Variants in MYH9 observed in about 807,000 individuals in gnomAD.
MYH9 encodes the protein myosin-9.
In MYH9, 29 loss-of-function variants were observed where a neutral mutation model predicts 241.9. That is an observed-to-expected ratio of 0.12 (90% CI 0.09 to 0.16). The LOEUF (loss-of-function observed/expected upper bound fraction) is 0.16, where lower values mean the gene tolerates loss of function less well. Ranked by LOEUF, MYH9 falls within the 10% of genes least tolerant of loss-of-function variation. The pLI is 1.00. For synonymous variants in MYH9, 1,047 were observed against 1,062.6 expected (o/e 0.99, Z 0.29); for missense variants, 1,803 against 2,595.5 (o/e 0.69, Z 6.63).
At chr22:36,363,661 A>G (rs2017968560) in intron 1 of MYH9, among the ~76,000 whole-genome samples, 1 of 152,188 alleles carries the variant, frequency 6.6e-6, no homozygotes, top group Non-Finnish European at 1.5e-5. Flanking sequence ...CTCAATAACA[A>G]GCTTTCTCTC....
rs2016953390 is a variant in MYH9, at chr22:36,305,454, T to C, written c.2160-352A>G. On this transcript the variant is annotated intron_variant, in intron 17 of 40. Transcript: ENST00000216181. This position sits in a 1 kb window ranked among gnomAD's most constrained non-coding sequence, Gnocchi z 4.7. ...GCTTCCCTGGGACGCTGCAGGGAGC[T>C]GCTAATAAACAGAGATGGCCCAAGA... Among the ~76,000 whole-genome samples, 1 of 152,164 alleles carries C rather than the reference T, an allele frequency of 6.6e-6. No individual in the cohort carries two copies. Among genetic ancestry groups the C allele is most frequent in the Non-Finnish European group, 1.5e-5 (1 of 68,026 alleles).
chr22:36,319,061 C>T (rs1569535899), intron 10 of MYH9, among the ~76,000 whole-genome samples: 1 of 152,210 alleles, frequency 6.6e-6, no homozygotes, highest in Non-Finnish European at 1.5e-5. Flanking sequence ...CACGCCCGGT[C>T]AGGAGTGTCT....
chr22:36,350,063 T>C (rs1249874850), intron 1 of MYH9, among the ~76,000 whole-genome samples: 1 of 152,188 alleles, frequency 6.6e-6, no homozygotes, highest in East Asian at 1.9e-4. Flanking sequence ...TTTAATTCCA[T>C]CTTGATAATA....
At chr22:36,284,336 C>G in intron 39 of MYH9, 67 bp downstream of exon 39, 1 of 1,604,976 alleles carries the variant, frequency 6.2e-7, no homozygotes, top group Non-Finnish European at 8.5e-7. Context: ...AGCCCCACTG[C>G]CCTGCCTGTC....
chr22:36,316,805 A>T, intron 11 of MYH9, 136 bp from the exon 12 acceptor site: 2 of 903,424 alleles, frequency 2.2e-6, no homozygotes, highest in Non-Finnish European at 3.4e-6. Flanking sequence ...AAAAAAAAAA[A>T]TCTTCGTACA....
In MYH9 at chr22:36,316,596, T is replaced by C. The variant is rs749647444; in HGVS notation, c.1301A>G (p.Asn434Ser). ...RMFRWLVLRI[N>S]KALDKTKRQG... ...CCTCTTGGTCTTGTCCAGAGCCTTG[T>C]TGATGCGCAGCACCAGCCAGCGGAA... The change falls in exon 12 of 41, where the codon AAC becomes AGC. Residue 434 changes from asparagine to serine, a missense_variant. Physicochemically the swap from Asn to Ser is conservative, Grantham distance 46. Around this residue, in one of 11 missense-constraint regions of MYH9, gnomAD observed 222 missense variants for 359.9 expected, o/e 0.62. Transcript: ENST00000216181. The C allele has an allele frequency of 4.3e-6, 7 of 1,614,008 alleles. No homozygotes were observed. Among genetic ancestry groups the C allele is most frequent in the African/African-American group, 2.7e-5 (2 of 74,924 alleles).
In MYH9 at chr22:36,300,191, G is replaced by A. The variant is rs199654108; in HGVS notation, c.2912C>T (p.Ala971Val). 8.1e-6 allele frequency: 13 copies of A among 1,613,300 alleles called. No individual in the cohort carries two copies. Among genetic ancestry groups the A allele is most frequent in the African/African-American group, 4.0e-5 (3 of 74,932 alleles). ...CTCCTCCTCCAGCTTTTTCAGCTTCGCCTCGGTGGTCACCTTCTCCAGCTG... is the reference window on the plus strand; with the variant it reads ...CTCCTCCTCCAGCTTTTTCAGCTTCACCTCGGTGGTCACCTTCTCCAGCTG... Reference protein sequence around the residue: ...KLQLEKVTTEAKLKKLEEEQI... With the variant: ...KLQLEKVTTEVKLKKLEEEQI... The change falls in exon 23 of 41, where the codon GCG (alanine) becomes GTG (valine). Residue 971 changes from alanine to valine, a missense_variant. By Grantham distance (64) the Ala-to-Val change is moderately conservative. Around this residue, in one of 11 missense-constraint regions of MYH9, gnomAD observed 290 missense variants for 360.5 expected, o/e 0.80. Coordinates refer to ENST00000216181, the MANE Select transcript of MYH9 (RefSeq NM_002473.6). The surrounding 1 kb of genome is among the most constrained non-coding windows in gnomAD (Gnocchi z 5.0).
At chr22:36,332,718 T>TATGTCAG (rs2017443977) in intron 3 of MYH9, among the ~76,000 whole-genome samples, 1 of 142,644 alleles carries the variant, frequency 7.0e-6, no homozygotes, top group African/African-American at 2.6e-5. Context: ...TAACTTTCAT[T>TATGTCAG]ATGTCAGACT....
intron 1 of MYH9, among the ~76,000 whole-genome samples, chr22:36,385,459 T>C (rs2018337307): frequency 6.6e-6 from 1 of 152,238 alleles, no homozygotes; most frequent in Admixed American, 6.5e-5. Flanking sequence ...ATCCTTGTTT[T>C]GTTTTTTCTG....
intron 24 of MYH9, among the ~76,000 whole-genome samples, chr22:36,297,829 G>A (rs1256055236): frequency 6.6e-6 from 1 of 152,196 alleles, no homozygotes; most frequent in Non-Finnish European, 1.5e-5. Context: ...CCAGGTCACC[G>A]GCATGCTAAG....
intron 1 of MYH9, among the ~76,000 whole-genome samples, chr22:36,362,293 C>T (rs2017947018): frequency 6.6e-6 from 1 of 152,222 alleles, no homozygotes; most frequent in Middle Eastern, 3.4e-3. Context: ...GAGCCTGGCT[C>T]GAGGAGAGTC....
In MYH9 at chr22:36,292,097, C is replaced by T. The variant is rs757388681; in HGVS notation, c.4233G>A (p.Leu1411=). The part of the protein sequence containing the change: ...HEEKVAAYDK[L]EKTKTRLQQE... ...GCTGCAGCCGCGTCTTGGTCTTCTC[C>T]AGCTTGTCGTAGGCGGCCACCTTCT... The change falls in exon 31 of 41, where the codon CTG becomes CTA. Residue 1411 remains leucine (L), a synonymous_variant. Transcript: ENST00000216181. 5 of 1,614,188 alleles carry T rather than the reference C, an allele frequency of 3.1e-6. No homozygotes were observed. Among genetic ancestry groups the T allele is most frequent in the Non-Finnish European group, 4.2e-6 (5 of 1,180,054 alleles).
chr22:36,383,036 TA>T (rs1457983442), intron 1 of MYH9, among the ~76,000 whole-genome samples: 1 of 151,686 alleles, frequency 6.6e-6, no homozygotes, highest in Non-Finnish European at 1.5e-5. Context: ...GCCTAGGCAA[TA>T]CAGCAAGATC....
intron 3 of MYH9, among the ~76,000 whole-genome samples, chr22:36,337,565 C>A: frequency 6.6e-6 from 1 of 152,226 alleles, no homozygotes; most frequent in East Asian, 1.9e-4. Context: ...CCAGACAGAG[C>A]CACCAACTGC....
At position 36,349,380 on chromosome 22, in the gene MYH9, C is replaced by T. The variant is rs530651681; in HGVS notation, c.-19-125G>A. ...TAAGACACAGTAAAACTCTATATAA[C>T]CAGGCTGCACAACTTTCTTGCTCCA... On this transcript the variant is annotated intron_variant, in intron 1 of 40. Transcript: ENST00000216181. The T allele has an allele frequency of 2.1e-4, 154 of 741,102 alleles. No homozygotes were observed. In the South Asian group the frequency reaches 2.4e-3, roughly 12 times the overall value. 45.9% of individuals were successfully genotyped at this position (741,102 alleles called of 1,614,324 possible).
intron 19 of MYH9, among the ~76,000 whole-genome samples, chr22:36,303,247 A>G (rs1399076000): frequency 1.3e-5 from 2 of 152,008 alleles, no homozygotes; most frequent in African/African-American, 4.8e-5. Context: ...ACGAGTGTGC[A>G]GTGCCCACAG....
Position 36,300,747 on chromosome 22 carries a change from C to T in MYH9, c.2838+104G>A. On this transcript the variant is annotated intron_variant, in intron 22 of 40. Transcript: ENST00000216181. The surrounding 1 kb of genome is among the most constrained non-coding windows in gnomAD (Gnocchi z 5.0). ...CCAAGCAGATTGCGTGAGGAGCAGC[C>T]TCCTTGGACCCTAATTCCATGTTCT... 7.5e-7 allele frequency: 1 copy of T among 1,339,820 alleles called. No homozygotes were observed. The allele number at this position is 1,339,820 out of a possible 1,614,324, so 83.0% of individuals were successfully genotyped here. A position where few individuals can be genotyped will look rare whatever the true frequency, so the allele number is the denominator to read the frequency against.
intron 3 of MYH9, 119 bp downstream of exon 3, chr22:36,341,251 C>T: frequency 2.3e-6 from 3 of 1,297,970 alleles, no homozygotes; most frequent in South Asian, 1.2e-5. Flanking sequence ...CCATGATGCA[C>T]TGCCCATCAC....
rs148978261 is a variant in MYH9, at chr22:36,387,023, C to G, written c.-20+784G>C. On this transcript the variant is annotated intron_variant, in intron 1 of 40. Transcript: ENST00000216181. ...AATCAGGTGCACGCCTGGGCGGCCCCGACGGCTGCTGCATTCCGGGCCTCC... is the reference window on the plus strand; with the variant it reads ...AATCAGGTGCACGCCTGGGCGGCCCGGACGGCTGCTGCATTCCGGGCCTCC... 6.6e-3 allele frequency among the ~76,000 whole-genome samples: 1,012 copies of G among 152,350 alleles called. 2 individuals carry two copies. Among genetic ancestry groups the G allele is most frequent in the South Asian group, 0.024 (116 of 4,828 alleles).
Sources: allele counts gnomAD v4.1 joint callset (sites outside exome capture counted in the v4.1 genomes callset), GRCh38; gene constraint gnomAD v4.1.1; regional missense constraint gnomAD v4.1.1; non-coding constraint Gnocchi (gnomAD v3.1); transcripts MANE v1.5; gene names NCBI Gene and HGNC (gene_info 2026-07-23, HGNC 2026-07-21).